SLC10A7: variants seen among roughly 807,000 people sequenced by gnomAD.
SLC10A7 encodes the protein solute carrier family 10 member 7.
SLC10A7 carries 29 observed loss-of-function variants against 43.2 expected under a neutral mutation model. The ratio of observed to expected loss-of-function variants is 0.67; its 90% confidence interval spans 0.50 to 0.92. The LOEUF (loss-of-function observed/expected upper bound fraction) is 0.92. Ranked by LOEUF, SLC10A7 falls within the 40% of genes least tolerant of loss-of-function variation. The pLI, the probability that SLC10A7 is intolerant of heterozygous loss-of-function variation, is 0.00. For synonymous variants in SLC10A7, 152 were observed against 144.8 expected (o/e 1.05, Z -0.35); for missense variants, 295 against 403.2 (o/e 0.73, Z 2.30).
chr4:146,458,128 A>G (rs1053898097), intron 4 of SLC10A7, among the ~76,000 whole-genome samples: 1 of 151,868 alleles, frequency 6.6e-6, no homozygotes, highest in Admixed American at 6.6e-5. Flanking sequence ...ATGATACAGT[A>G]TGACAAAGTG....
At chr4:146,290,473 C>T (rs915001428) in intron 9 of SLC10A7, among the ~76,000 whole-genome samples, 5 of 151,542 alleles carry the variant, frequency 3.3e-5, no homozygotes, top group African/African-American at 7.3e-5. Flanking sequence ...GGGGACAGGG[C>T]GGGGAGGGGG....
intron 5 of SLC10A7, among the ~76,000 whole-genome samples, chr4:146,398,335 T>C (rs1738982129): frequency 6.6e-6 from 1 of 152,212 alleles, no homozygotes. Flanking sequence ...AATGAATGTG[T>C]GGCATCCATT....
At chr4:146,420,999 C>A (rs1728924623) in intron 5 of SLC10A7, among the ~76,000 whole-genome samples, 1 of 152,014 alleles carries the variant, frequency 6.6e-6, no homozygotes, top group Admixed American at 6.6e-5. Context: ...TGTACTCCAG[C>A]CTGGGGGACA....
At chr4:146,303,170 G>C (rs1259053642) in intron 7 of SLC10A7, among the ~76,000 whole-genome samples, 1 of 152,010 alleles carries the variant, frequency 6.6e-6, no homozygotes, top group Non-Finnish European at 1.5e-5. Context: ...GGTCATTCCG[G>C]CTCCAGAGTT....
At chr4:146,403,732 C>T (rs567397635) in intron 5 of SLC10A7, among the ~76,000 whole-genome samples, 34 of 152,140 alleles carry the variant, frequency 2.2e-4, no homozygotes, top group South Asian at 8.3e-4. Context: ...GTTATTAAGA[C>T]GTTAAGTTTA....
intron 7 of SLC10A7, among the ~76,000 whole-genome samples, chr4:146,302,276 A>T (rs1387634007): frequency 1.3e-5 from 2 of 152,250 alleles, no homozygotes; most frequent in Non-Finnish European, 2.9e-5. Context: ...AAGTACAGGT[A>T]GATTCAGTTA....
At chr4:146,315,211 C>T (rs1424531831) in intron 6 of SLC10A7, among the ~76,000 whole-genome samples, 2 of 152,126 alleles carry the variant, frequency 1.3e-5, no homozygotes, top group Admixed American at 6.6e-5. Context: ...GGGTTTAAAA[C>T]CCAACCACCT....
chr4:146,483,549 G>T lies in SLC10A7; in HGVS notation c.396+20300C>A, dbSNP rs1579305185. On this transcript the variant is annotated intron_variant, in intron 4 of 11. Coordinates refer to ENST00000335472, the MANE Select transcript of SLC10A7 (RefSeq NM_001029998.6). ...TCAAATCACAAAGGAAGACAAGAGA[G>T]GAAGAAAGGAATAAAGAACAAAACA... Among the ~76,000 whole-genome samples the T allele has an allele frequency of 4.0e-5, 6 of 151,860 alleles. 1 individual carries two copies. The highest frequency in any genetic ancestry group is 3.9e-4 in the Admixed American group (6 of 15,252).
intron 4 of SLC10A7, among the ~76,000 whole-genome samples, chr4:146,464,327 C>T (rs2149945324): frequency 6.6e-6 from 1 of 152,130 alleles, no homozygotes; most frequent in South Asian, 2.1e-4. Context: ...AACATATGTG[C>T]AGATTAAAAG....
chr4:146,276,738 C>T (rs1318781680), intron 10 of SLC10A7, among the ~76,000 whole-genome samples: 1 of 151,936 alleles, frequency 6.6e-6, no homozygotes, highest in Non-Finnish European at 1.5e-5. Context: ...TTGCTTGAGG[C>T]CAGGAGTTTA....
chr4:146,480,816 A>C (rs1458641756), intron 4 of SLC10A7, among the ~76,000 whole-genome samples: 1 of 152,110 alleles, frequency 6.6e-6, no homozygotes, highest in Non-Finnish European at 1.5e-5. Context: ...GATGGCTGAC[A>C]GGAAGCTGCT....
In SLC10A7 at chr4:146,388,620, G is replaced by A. The variant is rs535536946; in HGVS notation, c.435+54163C>T. Reference sequence around the variant, plus strand: ...AAAAATACAAAAAAATTAGCTGGGCGTGGTGGTGCGCGCCTGTAGTCCCAG... The same window carrying A: ...AAAAATACAAAAAAATTAGCTGGGCATGGTGGTGCGCGCCTGTAGTCCCAG... On this transcript the variant is annotated intron_variant, in intron 5 of 11. Transcript: ENST00000335472. 1.8e-3 allele frequency among the ~76,000 whole-genome samples: 266 copies of A among 151,988 alleles called. 2 individuals carry two copies. The highest frequency in any genetic ancestry group is 3.0e-3 in the Non-Finnish European group (204 of 67,954).
intron 5 of SLC10A7, among the ~76,000 whole-genome samples, chr4:146,428,230 C>A (rs1341481636): frequency 1.3e-5 from 2 of 152,164 alleles, no homozygotes; most frequent in East Asian, 3.8e-4. Context: ...ATTAAAAAAT[C>A]ATTTGAGTAA....
chr4:146,366,376 A>G (rs920398353), intron 5 of SLC10A7, among the ~76,000 whole-genome samples: 1 of 152,224 alleles, frequency 6.6e-6, no homozygotes, highest in African/African-American at 2.4e-5. Flanking sequence ...AGACAAATAC[A>G]TAATAAAAAC....
intron 10 of SLC10A7, among the ~76,000 whole-genome samples, chr4:146,270,574 T>A (rs1728829706): frequency 6.6e-6 from 1 of 152,098 alleles, no homozygotes; most frequent in Non-Finnish European, 1.5e-5. Context: ...AGTTAACAGG[T>A]GTTGGGCAGG....
chr4:146,265,420 C>A (rs969416470), intron 10 of SLC10A7, among the ~76,000 whole-genome samples: 3 of 152,140 alleles, frequency 2.0e-5, no homozygotes, highest in Non-Finnish European at 4.4e-5. Context: ...ATACCTAAAT[C>A]CTTTGGGGTC....
intron 5 of SLC10A7, among the ~76,000 whole-genome samples, chr4:146,382,710 TA>T (rs1737714477): frequency 6.6e-6 from 1 of 152,170 alleles, no homozygotes; most frequent in South Asian, 2.1e-4. Context: ...TCGAGAAATA[TA>T]TTTCAGAATC....
chr4:146,407,765 C>G (rs1426776085), intron 5 of SLC10A7, among the ~76,000 whole-genome samples: 3 of 152,130 alleles, frequency 2.0e-5, no homozygotes, highest in Non-Finnish European at 4.4e-5. Context: ...TAGGATATGA[C>G]TCACTGTTAG....
chr4:146,354,721 A>C (rs1271981693), intron 5 of SLC10A7, among the ~76,000 whole-genome samples: 3 of 150,878 alleles, frequency 2.0e-5, no homozygotes, highest in Non-Finnish European at 4.4e-5. Flanking sequence ...CAGAGCCCTC[A>C]GAAATAATGC....
Sources: gnomAD v4.1 joint callset for allele counts (sites outside exome capture counted in the v4.1 genomes callset) on GRCh38, gnomAD v4.1.1 for gene constraint, MANE v1.5 for transcripts, NCBI Gene and HGNC (gene_info 2026-07-23, HGNC 2026-07-21) for gene names.